Variants in CACNA1H observed in about 807,000 individuals in gnomAD.
CACNA1H encodes the protein calcium voltage-gated channel subunit alpha1 H.
In CACNA1H, 149 loss-of-function variants were observed where a neutral mutation model predicts 192.5. That is an observed-to-expected ratio of 0.77 (90% CI 0.68 to 0.89). The LOEUF (loss-of-function observed/expected upper bound fraction) is 0.89, where lower values mean the gene tolerates loss of function less well. CACNA1H is among the 40% of genes least tolerant of loss of function. CACNA1H has a pLI of 0.00. For synonymous variants in CACNA1H, 2,202 were observed against 1,475.2 expected (o/e 1.49, Z -11.29); for missense variants, 4,257 against 3,423.5 (o/e 1.24, Z -6.08).
At position 1,208,024 on chromosome 16, in the gene CACNA1H, T is replaced by C. The variant is rs1299607998; in HGVS notation, c.3166T>C (p.Cys1056Arg). The C allele has an allele frequency of 6.2e-7, 1 of 1,604,952 alleles. No individual in the cohort carries two copies. The change falls in exon 16 of 35, where the codon TGT becomes CGT. Residue 1056 changes from cysteine (C) to arginine (R), a missense_variant. Cys to Arg is a radical substitution (Grantham distance 180). Transcript: ENST00000348261. The part of the protein sequence containing the change: ...RELQTTELKM[C>R]SLAVTPNGHL... ...CCTCTGTCCCGCAGAGCTGAAGATGTGTTCCCTGGCCGTGACCCCCAACGG... is the reference window on the plus strand; with the variant it reads ...CCTCTGTCCCGCAGAGCTGAAGATGCGTTCCCTGGCCGTGACCCCCAACGG...
In CACNA1H at chr16:1,220,290, C is replaced by A. The variant is rs1225788473; in HGVS notation, c.6358C>A (p.Pro2120Thr). Residue 2120 changes from proline (P) to threonine (T), a missense_variant, in exon 35 of 35, where the codon CCC becomes ACC. Pro to Thr is a conservative substitution (Grantham distance 38, BLOSUM62 -1). Transcript: ENST00000348261. The stretch of plus-strand genomic sequence containing the variant: ...GCAGCCCACAGCCGAGCCCCATGGC[C>A]CCGAAGCCTCTCCGGTGGCCGGCGG... ...PWQPTAEPHG[P>T]EASPVAGGER... 2.5e-6 allele frequency: 4 copies of A among 1,577,972 alleles called. No individual in the cohort carries two copies. The African/African-American group carries it at 4.2e-5, about 16-fold the overall frequency.
intron 2 of CACNA1H, among the ~76,000 whole-genome samples, chr16:1,185,461 C>T (rs536103865): frequency 2.4e-4 from 36 of 151,332 alleles, no homozygotes; most frequent in African/African-American, 5.6e-4. Context: ...GTCCTGCCAG[C>T]GGCAGCCAGA....
At position 1,167,915 on chromosome 16, in the gene CACNA1H, C is replaced by G. The variant is rs112753295; in HGVS notation, c.299+13879C>G. 6.4e-3 allele frequency among the ~76,000 whole-genome samples: 979 copies of G among 152,322 alleles called. 14 individuals carry two copies. The highest frequency in any genetic ancestry group is 0.023 in the African/African-American group (936 of 41,576). ...TCAGTAAGCACTCGCCCCACCAGTG[C>G]GTGGAGCACGTGGGGCCTCAGGAGC... On this transcript the variant is annotated intron_variant, in intron 2 of 34. Coordinates refer to ENST00000348261, the MANE Select transcript of CACNA1H (RefSeq NM_021098.3). The surrounding 1 kb of genome is among the most constrained non-coding windows in gnomAD (Gnocchi z 4.2).
At chr16:1,186,805 T>C (rs1374959528) in intron 2 of CACNA1H, among the ~76,000 whole-genome samples, 7 of 152,182 alleles carry the variant, frequency 4.6e-5, no homozygotes, top group Admixed American at 6.5e-5. Context: ...ATACAAGCAG[T>C]GCGCCCTGGT....
intron 26 of CACNA1H, among the ~76,000 whole-genome samples, chr16:1,213,574 G>T (rs1403088070): frequency 6.6e-6 from 1 of 152,078 alleles, no homozygotes; most frequent in Non-Finnish European, 1.5e-5. Flanking sequence ...ATCTCACCTA[G>T]AACAGGGTCC....
Position 1,153,795 on chromosome 16 carries a change from C to T in CACNA1H, c.58C>T (p.Pro20Ser). ...CCGGGTGCCCCTGGGCGCGCCGCCC[C>T]CTGGCCCTGCGGCGTTGGTGGGGGC... ...EVRVPLGAPP[P>S]GPAALVGASP... The change falls in exon 2 of 35, where the codon CCT (proline) becomes TCT (serine). Residue 20 changes from proline (P) to serine (S), a missense_variant. Transcript: ENST00000348261. 1.6e-6 allele frequency: 2 copies of T among 1,247,412 alleles called. No homozygotes were observed. Among genetic ancestry groups the T allele is most frequent in the Non-Finnish European group, 1.0e-6 (1 of 996,414 alleles). 77.3% of individuals were successfully genotyped at this position (1,247,412 alleles called of 1,614,324 possible).
At position 1,195,041 on chromosome 16, in the gene CACNA1H, T is replaced by C; in HGVS notation, c.369T>C (p.Cys123=). The change falls in exon 3 of 35, where the codon TGT becomes TGC. Residue 123 remains cysteine (C), a synonymous_variant. Coordinates refer to ENST00000348261, the MANE Select transcript of CACNA1H (RefSeq NM_021098.3). ...NCVTLGMFRP[C]EDVECGSERC... ...TGACCCTGGGCATGTTCCGGCCCTG[T>C]GAGGACGTTGAGTGCGGCTCCGAGC... 6.2e-7 allele frequency: 1 copy of C among 1,610,074 alleles called. No homozygotes were observed.
chr16:1,219,186 G>A, intron 34 of CACNA1H, 56 bp downstream of exon 34: 1 of 1,448,412 alleles, frequency 6.9e-7, no homozygotes, highest in Non-Finnish European at 9.2e-7. Flanking sequence ...GGCTTGCAGG[G>A]ATGCCTCGTC....
At chr16:1,219,323 C>T (rs556431880) in intron 34 of CACNA1H, among the ~76,000 whole-genome samples, 193 bp downstream of exon 34, 2 of 152,314 alleles carry the variant, frequency 1.3e-5, no homozygotes, top group East Asian at 1.9e-4. Flanking sequence ...GTCTTCAGGC[C>T]TGTGAGCCTG....
chr16:1,216,559 CAG>C (rs1291245655), intron 30 of CACNA1H, among the ~76,000 whole-genome samples: 1 of 152,252 alleles, frequency 6.6e-6, no homozygotes, highest in East Asian at 1.9e-4. Context: ...AGCCGCTGAA[CAG>C]GGCGGGCCAG....
Position 1,204,596 on chromosome 16 carries a change from T to C in CACNA1H, c.2451+138T>C, listed in dbSNP as rs944061838. ...CAGGGCTCTAGAAAGCCGGGGATGGTGAGGATAGGAGACCAGGTGTGCCGA... is the reference window on the plus strand; with the variant it reads ...CAGGGCTCTAGAAAGCCGGGGATGGCGAGGATAGGAGACCAGGTGTGCCGA... On this transcript the variant is annotated intron_variant, in intron 10 of 34. Transcript: ENST00000348261. 1.2e-5 allele frequency: 8 copies of C among 670,514 alleles called. No individual in the cohort carries two copies. The African/African-American group carries it at 1.3e-4, about 11-fold the overall frequency. 41.5% of individuals were successfully genotyped at this position (670,514 alleles called of 1,614,324 possible).
At chr16:1,160,206 T>A (rs1280117794) in intron 2 of CACNA1H, 1 of 152,208 alleles carries the variant, frequency 6.6e-6, no homozygotes, top group Non-Finnish European at 1.5e-5. Flanking sequence ...GGGCGGGGAC[T>A]GTCCCTGCCT....
intron 5 of CACNA1H, among the ~76,000 whole-genome samples, chr16:1,197,337 T>C (rs11648002): frequency 0.42 from 64,205 of 152,090 alleles, 14,221 homozygotes; most frequent in African/African-American, 0.49. Flanking sequence ...CCACTGTACG[T>C]TCAGTCTGCA....
In CACNA1H at chr16:1,170,880, C is replaced by T. The variant is rs548459182; in HGVS notation, c.299+16844C>T. The stretch of plus-strand genomic sequence containing the variant: ...CGGTCCTGTGGGTCAGGGTTCAAGG[C>T]GCCAACCCCGCATTGTCTGCTTGGC... On this transcript the variant is annotated intron_variant, in intron 2 of 34. Coordinates refer to ENST00000348261, the MANE Select transcript of CACNA1H (RefSeq NM_021098.3). 1.5e-4 allele frequency among the ~76,000 whole-genome samples: 23 copies of T among 152,270 alleles called. No individual in the cohort carries two copies. In the Middle Eastern group the frequency reaches 0.014, roughly 90 times the overall value.
intron 2 of CACNA1H, among the ~76,000 whole-genome samples, chr16:1,178,461 C>T (rs112266902): frequency 1.3e-5 from 2 of 151,984 alleles, no homozygotes; most frequent in African/African-American, 4.8e-5. Context: ...GAGATAAGGG[C>T]CCTTTCGAAG....
At chr16:1,206,676 G>A (rs940260961) in intron 12 of CACNA1H, 10 of 429,766 alleles carry the variant, frequency 2.3e-5, no homozygotes, top group East Asian at 4.4e-5. Context: ...CAGGCAGGCC[G>A]GGCTTTCACA....
chr16:1,195,112 G>A (rs771860205), intron 3 of CACNA1H, 29 bp downstream of exon 3: 12 of 1,425,242 alleles, frequency 8.4e-6, no homozygotes, highest in Non-Finnish European at 2.0e-6. Context: ...GGTGGGGAAG[G>A]AGCGTGGGTC....
chr16:1,198,817 C>T (rs926233933), intron 6 of CACNA1H, 43 bp downstream of exon 6: 3 of 1,569,112 alleles, frequency 1.9e-6, no homozygotes, highest in Non-Finnish European at 2.6e-6. Context: ...CCAGATGGCC[C>T]TGCCCACCAT....
chr16:1,154,734 G>T (rs1962073174), intron 2 of CACNA1H, among the ~76,000 whole-genome samples: 1 of 152,196 alleles, frequency 6.6e-6, no homozygotes, highest in African/African-American at 2.4e-5. Context: ...AGAGGAAGAG[G>T]CAGCCTCTTC....
Sources: gnomAD v4.1 joint callset for allele counts (sites outside exome capture counted in the v4.1 genomes callset) on GRCh38, gnomAD v4.1.1 for gene constraint, Gnocchi (gnomAD v3.1) non-coding constraint, MANE v1.5 for transcripts, NCBI Gene and HGNC (gene_info 2026-07-23, HGNC 2026-07-21) for gene names.